Variants in GYS1 observed in about 807,000 individuals in gnomAD.
GYS1 encodes glycogen [starch] synthase, muscle.
In GYS1, 60 loss-of-function variants were observed where a neutral mutation model predicts 89.1. The observed-to-expected ratio is 0.67, with a 90% confidence interval of 0.55 to 0.84. GYS1 has a LOEUF of 0.84. GYS1 is among the 40% of genes least tolerant of loss of function. The probability of loss-of-function intolerance (pLI) is 0.00; values close to 1 mark genes in which losing one functional copy is unlikely to be tolerated. For synonymous variants in GYS1, 366 were observed against 401.7 expected (o/e 0.91, Z 1.06); for missense variants, 888 against 1,003.1 (o/e 0.89, Z 1.55).
At chr19:48,983,131 C>T (rs1012983045) in intron 5 of GYS1, among the ~76,000 whole-genome samples, 4 of 152,030 alleles carry the variant, frequency 2.6e-5, no homozygotes, top group Admixed American at 6.6e-5. Flanking sequence ...GCACTACAGG[C>T]GTGCACTACC....
In GYS1 at chr19:48,974,292, AG is replaced by A; in HGVS notation, c.1469del (p.Pro490LeufsTer112). The A allele has an allele frequency of 6.2e-7, 1 of 1,613,810 alleles. No individual in the cohort carries two copies. Among genetic ancestry groups the A allele is most frequent in the Non-Finnish European group, 8.5e-7 (1 of 1,179,732 alleles). On this transcript the variant is annotated frameshift_variant, in exon 12 of 16. Coordinates refer to ENST00000323798, the MANE Select transcript of GYS1 (RefSeq NM_002103.5). LOFTEE classifies it high-confidence loss of function. ...EFLSSTSPLL[P>X]VDYEEFVRGC... ...CACGGACAAACTCCTCATAGTCCAC[AG>A]GGAGCAGGGGGCTTGTGGAGGAGAG...
Position 48,987,301 on chromosome 19 carries a change from A to G in GYS1, c.385T>C (p.Trp129Arg). The change falls in exon 3 of 16, where the codon TGG becomes CGG. Residue 129 changes from tryptophan to arginine, a missense_variant. Transcript: ENST00000323798. ...CAGGTATCCCAGAGCTCTCCCTTCC[A>G]GCGCTCCAGGGCCCAAGCTGAGGCA... ...VGASAWALER[W>R]KGELWDTCNI... 3 of 1,612,854 alleles carry G rather than the reference A, an allele frequency of 1.9e-6. No individual in the cohort carries two copies. The highest frequency in any genetic ancestry group is 8.5e-7 in the Non-Finnish European group (1 of 1,179,524).
At chr19:48,970,523 G>A (rs766257309) in intron 14 of GYS1, 23 bp downstream of exon 14, 1 of 1,609,242 alleles carries the variant, frequency 6.2e-7, no homozygotes, top group Non-Finnish European at 8.5e-7. Flanking sequence ...TGCCAGGAGA[G>A]GATAGGAAAG....
rs775296584 is a variant in GYS1 at position 48,970,647 on chromosome 19, A to G, written c.1708T>C (p.Phe570Leu). Residue 570 changes from phenylalanine (F) to leucine (L), a missense_variant, in exon 14 of 16, where the codon TTC becomes CTC. Coordinates refer to ENST00000323798, the MANE Select transcript of GYS1 (RefSeq NM_002103.5). ...CTCTGCTGACAGAAACTGTAGAGGAAGGAGGTGAGCTGCGAGCAGGAATCA... is the reference window on the plus strand; with the variant it reads ...CTCTGCTGACAGAAACTGTAGAGGAGGGAGGTGAGCTGCGAGCAGGAATCA... ...LDDSCSQLTS[F>L]LYSFCQQSRR... The G allele has an allele frequency of 3.7e-6, 6 of 1,613,992 alleles. No homozygotes were observed. The highest frequency in any genetic ancestry group is 3.3e-4 in the Middle Eastern group (2 of 6,056).
chr19:48,986,473 A>G (rs1289266514), intron 3 of GYS1, among the ~76,000 whole-genome samples: 1 of 151,244 alleles, frequency 6.6e-6, no homozygotes, highest in Non-Finnish European at 1.5e-5. Context: ...GTCCCAGGGC[A>G]TGAGAAATTA....
At chr19:48,970,811 A>G in intron 13 of GYS1, 102 bp from the exon 14 acceptor site, 1 of 1,413,444 alleles carries the variant, frequency 7.1e-7, no homozygotes, top group Non-Finnish European at 1.0e-6. Context: ...GCGGCCCGAG[A>G]GCCCCCCCAT....
At chr19:48,986,509 C>CT (rs1194864356) in intron 3 of GYS1, among the ~76,000 whole-genome samples, 1,816 of 132,190 alleles carry the variant, frequency 0.014, 39 homozygotes, top group African/African-American at 0.044. Flanking sequence ...TTTTCTTTTT[C>CT]TTTTTTTTTT....
Position 48,968,648 on chromosome 19 carries a change from T to C in GYS1, c.*640A>G, listed in dbSNP as rs2038497952. 4.4e-6 allele frequency: 2 copies of C among 454,180 alleles called. No individual in the cohort carries two copies. The highest frequency in any genetic ancestry group is 8.8e-6 in the Non-Finnish European group (2 of 226,786). 28.1% of individuals were successfully genotyped at this position (454,180 alleles called of 1,614,324 possible). A position where few individuals can be genotyped will look rare whatever the true frequency, so the allele number is the denominator to read the frequency against. ...CCAAGTGGTTCTACCACCTCTTGCT[T>C]GGCCAAAGTGTAGGGGATGACAGGA... On this transcript the variant is annotated 3_prime_UTR_variant, in exon 16 of 16. Transcript: ENST00000323798.
In GYS1 at chr19:48,968,236, C is replaced by G. The variant is rs1271274265; in HGVS notation, c.*1052G>C. The G allele has an allele frequency of 8.8e-6, 4 of 454,174 alleles. No individual in the cohort carries two copies. The East Asian group carries it at 2.8e-4, about 32-fold the overall frequency. The allele number at this position is 454,174 out of a possible 1,614,324, so 28.1% of individuals were successfully genotyped here. ...CAAACCAAGCGGTGCAGACACAGCA[C>G]AGCACACATGAGGGGCCCTCCCTTT... On this transcript the variant is annotated 3_prime_UTR_variant, in exon 16 of 16. Coordinates refer to ENST00000323798, the MANE Select transcript of GYS1 (RefSeq NM_002103.5).
rs764270310 is a variant in GYS1 at position 48,985,503 on chromosome 19, T to A, written c.781A>T (p.Ile261Phe). ...AAGTGCTGTGCCTCGATGGCGGTGA[T>A]CTGGGACACAGTAGTGAAGACGTGA... is the stretch of plus-strand genomic sequence containing the variant. ...CAHVFTTVSQITAIEAQHLLK... is the reference protein window; with the variant it reads ...CAHVFTTVSQFTAIEAQHLLK... Residue 261 changes from isoleucine to phenylalanine, a missense_variant, in exon 5 of 16, where the codon ATC becomes TTC. By Grantham distance (21) the Ile-to-Phe change is conservative (BLOSUM62 0). Coordinates refer to ENST00000323798, the MANE Select transcript of GYS1 (RefSeq NM_002103.5). 9.3e-6 allele frequency: 15 copies of A among 1,614,138 alleles called. No homozygotes were observed. The highest frequency in any genetic ancestry group is 1.3e-5 in the Non-Finnish European group (15 of 1,180,030).
Position 48,969,739 on chromosome 19 carries a change from A to G in GYS1, c.1890+36T>C, listed in dbSNP as rs776623834. On this transcript the variant is annotated intron_variant, in intron 15 of 15. Coordinates refer to ENST00000323798, the MANE Select transcript of GYS1 (RefSeq NM_002103.5). Reference sequence around the variant, plus strand: ...CCACCCCACCGAAGCCCAGCCCTTTAGCTCCTGGCTAAGCAGAAATCCAGG... The same window carrying G: ...CCACCCCACCGAAGCCCAGCCCTTTGGCTCCTGGCTAAGCAGAAATCCAGG... 6 of 1,603,006 alleles carry G rather than the reference A, an allele frequency of 3.7e-6. No individual in the cohort carries two copies. The African/African-American group carries it at 6.7e-5, about 18-fold the overall frequency.
intron 7 of GYS1, 147 bp from the exon 8 acceptor site, chr19:48,981,783 T>C (rs1600143328): frequency 1.6e-6 from 1 of 638,198 alleles, no homozygotes; most frequent in East Asian, 2.7e-5. Context: ...ACTCTGACCT[T>C]CTTTCTGGGT....
chr19:48,989,580 T>C (rs1375010211), intron 2 of GYS1, among the ~76,000 whole-genome samples: 8 of 151,944 alleles, frequency 5.3e-5, no homozygotes, highest in South Asian at 2.1e-4. Context: ...CGCACCATCA[T>C]GCCTGGCTAA....
At chr19:48,977,859 C>T in intron 10 of GYS1, 65 bp downstream of exon 10, 2 of 1,239,892 alleles carry the variant, frequency 1.6e-6, no homozygotes, top group Non-Finnish European at 1.2e-6. Flanking sequence ...TCTGAGCTGG[C>T]CTGGCAAGCT....
In GYS1 at chr19:48,982,715, C is replaced by T. The variant is rs1269843735; in HGVS notation, c.941+5G>A. The stretch of plus-strand genomic sequence containing the variant: ...TCTTAAGACCTAGGTATATGCCCCA[C>T]GTACCCATAAAAATGGCCCCGCACA... On this transcript the variant is annotated splice_donor_5th_base_variant and intron_variant, in intron 6 of 15. Coordinates refer to ENST00000323798, the MANE Select transcript of GYS1 (RefSeq NM_002103.5). 8.9e-6 allele frequency: 14 copies of T among 1,568,490 alleles called. No homozygotes were observed. The highest frequency in any genetic ancestry group is 4.5e-5 in the East Asian group (2 of 44,680).
intron 8 of GYS1, among the ~76,000 whole-genome samples, chr19:48,978,563 ACT>A (rs1311831872): frequency 7.0e-6 from 1 of 143,026 alleles, no homozygotes; most frequent in East Asian, 2.1e-4. Context: ...TGACAGAGTT[ACT>A]CTGTCGTCCA....
chr19:48,984,640 C>T (rs1384629609), intron 5 of GYS1, among the ~76,000 whole-genome samples: 7 of 152,072 alleles, frequency 4.6e-5, no homozygotes, highest in African/African-American at 1.7e-4. Flanking sequence ...GTGATCTGCC[C>T]GCCTTGGCCT....
At chr19:48,980,949 TAATAAA>T (rs1057138720) in intron 8 of GYS1, among the ~76,000 whole-genome samples, 1 of 150,940 alleles carries the variant, frequency 6.6e-6, no homozygotes, top group African/African-American at 2.4e-5. Flanking sequence ...AACCTGTCTC[TAATAAA>T]AATAAAAAGT....
At chr19:48,979,632 C>CG (rs2038721779) in intron 8 of GYS1, among the ~76,000 whole-genome samples, 6 of 144,796 alleles carry the variant, frequency 4.1e-5, no homozygotes, top group Non-Finnish European at 3.0e-5. Context: ...CCACCGCGCC[C>CG]AGCCTCTTTC....
Sources: gnomAD v4.1 joint callset for allele counts (sites outside exome capture counted in the v4.1 genomes callset) on GRCh38, gnomAD v4.1.1 for gene constraint, MANE v1.5 for transcripts, NCBI Gene and HGNC (gene_info 2026-07-23, HGNC 2026-07-21) for gene names.